Variants in CTNNA3 observed in about 807,000 individuals in gnomAD.
The protein encoded by CTNNA3 is catenin alpha-3.
Under a neutral mutation model 95.7 loss-of-function variants are expected in CTNNA3, and 76 were observed. That is an observed-to-expected ratio of 0.79 (90% CI 0.66 to 0.96). CTNNA3 has a LOEUF of 0.96. Ranked by LOEUF, CTNNA3 falls within the 40% of genes least tolerant of loss-of-function variation. CTNNA3 has a pLI of 0.00. For missense variants in CTNNA3, 1,191 were observed against 1,089.8 expected, an observed-to-expected ratio of 1.09 and a Z score of -1.31; for synonymous variants, 431 against 374.4, an observed-to-expected ratio of 1.15 and a Z score of -1.74.
chr10:66,837,765 C>G (rs1185875808), intron 7 of CTNNA3: 1 of 152,046 alleles, frequency 6.6e-6, no homozygotes, highest in Non-Finnish European at 1.5e-5. Flanking sequence ...GTCCCAAGAA[C>G]TTAGCTTTTT....
At chr10:66,137,754 C>A (rs949534888) in intron 13 of CTNNA3, among the ~76,000 whole-genome samples, 2 of 151,898 alleles carry the variant, frequency 1.3e-5, no homozygotes, top group Non-Finnish European at 2.9e-5. Context: ...CAGGATTAGC[C>A]TGGGCAACAT....
In CTNNA3 at chr10:66,280,548, A is replaced by T. The variant is rs1412521938; in HGVS notation, c.1806T>A (p.Asp602Glu). 1 of 1,610,040 alleles carries T rather than the reference A, an allele frequency of 6.2e-7. No homozygotes were observed. Among genetic ancestry groups the T allele is most frequent in the Admixed American group, 1.7e-5 (1 of 59,678 alleles). ...ALSKSSLNVLDDNQFVDISKK... is the reference protein window; with the variant it reads ...ALSKSSLNVLEDNQFVDISKK... ...TTGAGATGTCCACAAATTGATTATC[A>T]TCCAACACATTCAATGAGCTTTTGC... The change falls in exon 13 of 18, where the codon GAT becomes GAA. Residue 602 changes from aspartate to glutamate, a missense_variant. Coordinates refer to ENST00000433211, the MANE Select transcript of CTNNA3 (RefSeq NM_013266.4).
At chr10:67,426,444 T>C (rs1845925371) in intron 5 of CTNNA3, among the ~76,000 whole-genome samples, 1 of 152,022 alleles carries the variant, frequency 6.6e-6, no homozygotes, top group Non-Finnish European at 1.5e-5. Context: ...TTTGTAATAA[T>C]AGTAAGTTGT....
intron 3 of CTNNA3, among the ~76,000 whole-genome samples, chr10:67,555,996 A>C (rs1200268172): frequency 1.3e-5 from 2 of 152,198 alleles, no homozygotes; most frequent in Non-Finnish European, 2.9e-5. Flanking sequence ...CCTTTTCTGC[A>C]TCTATTAAGA....
At chr10:65,935,896 G>A (rs760237385) in intron 17 of CTNNA3, among the ~76,000 whole-genome samples, 5 of 152,086 alleles carry the variant, frequency 3.3e-5, no homozygotes, top group African/African-American at 4.8e-5. Context: ...ATAGGGCAGC[G>A]TTTATGAATG....
intron 13 of CTNNA3, among the ~76,000 whole-genome samples, chr10:66,139,882 C>T (rs994862957): frequency 2.6e-5 from 4 of 152,130 alleles, no homozygotes; most frequent in Non-Finnish European, 1.5e-5. Context: ...AGAGACTTTG[C>T]CTTCGTCCGG....
At chr10:66,416,653 T>C (rs2093148769) in intron 11 of CTNNA3, among the ~76,000 whole-genome samples, 1 of 151,852 alleles carries the variant, frequency 6.6e-6, no homozygotes, top group South Asian at 2.1e-4. Flanking sequence ...GAGAATGGGA[T>C]AATGTATTCA....
chr10:66,038,498 T>C (rs1234403837), intron 15 of CTNNA3, among the ~76,000 whole-genome samples: 1 of 152,192 alleles, frequency 6.6e-6, no homozygotes, highest in Non-Finnish European at 1.5e-5. Flanking sequence ...AATTTGAGCA[T>C]TTAAATAACC....
intron 13 of CTNNA3, among the ~76,000 whole-genome samples, chr10:66,277,989 G>A (rs2091428263): frequency 6.6e-6 from 1 of 151,250 alleles, no homozygotes; most frequent in Non-Finnish European, 1.5e-5. Context: ...ATAATTTAAT[G>A]TTTTATTAGT....
chr10:66,633,479 G>A (rs1474244527), intron 9 of CTNNA3, among the ~76,000 whole-genome samples: 2 of 152,090 alleles, frequency 1.3e-5, no homozygotes, highest in Non-Finnish European at 2.9e-5. Context: ...AGGAGATCAA[G>A]ACCATCCTGG....
At chr10:67,531,109 T>C (rs757718412) in intron 4 of CTNNA3, among the ~76,000 whole-genome samples, 37 of 152,340 alleles carry the variant, frequency 2.4e-4, no homozygotes, top group Middle Eastern at 6.8e-3. Flanking sequence ...AGGGCTCTCA[T>C]GGAGAACCTC....
intron 1 of CTNNA3, among the ~76,000 whole-genome samples, chr10:67,674,659 A>G (rs1446947133): frequency 1.3e-5 from 2 of 152,082 alleles, no homozygotes; most frequent in Non-Finnish European, 2.9e-5. Context: ...ATATCACATC[A>G]CTATTGTTTT....
chr10:66,803,388 G>A (rs1027132461), intron 7 of CTNNA3, among the ~76,000 whole-genome samples: 3 of 151,886 alleles, frequency 2.0e-5, no homozygotes, highest in Non-Finnish European at 4.4e-5. Flanking sequence ...CTGAGACTCT[G>A]CAGAGACCTC....
chr10:67,617,766 CT>C (rs60151492), intron 2 of CTNNA3, among the ~76,000 whole-genome samples: 9,510 of 138,110 alleles, frequency 0.069, 278 homozygotes, highest in South Asian at 0.11. Flanking sequence ...CCAGCATCTG[CT>C]TTTTTTTTTT....
chr10:66,306,306 A>T (rs1008564662), intron 12 of CTNNA3, among the ~76,000 whole-genome samples: 1 of 152,190 alleles, frequency 6.6e-6, no homozygotes, highest in Non-Finnish European at 1.5e-5. Flanking sequence ...AAAGACAGAC[A>T]GTTTAACTAG....
chr10:67,237,681 G>A (rs796272875), intron 5 of CTNNA3, among the ~76,000 whole-genome samples: 35 of 152,294 alleles, frequency 2.3e-4, no homozygotes, highest in African/African-American at 7.0e-4. Flanking sequence ...GCAGGTCACT[G>A]CAGGTGATAT....
intron 7 of CTNNA3, among the ~76,000 whole-genome samples, chr10:67,087,924 A>G (rs772939561): frequency 3.3e-5 from 5 of 152,090 alleles, no homozygotes; most frequent in Non-Finnish European, 5.9e-5. Context: ...AATATAAGGC[A>G]TGGAGAAATA....
At chr10:67,044,483 T>C (rs16923970) in intron 7 of CTNNA3, among the ~76,000 whole-genome samples, 3,057 of 152,138 alleles carry the variant, frequency 0.02, 108 homozygotes, top group African/African-American at 0.069. Flanking sequence ...TTAAATGCAA[T>C]GTTAGAAAGA....
At chr10:66,810,560 T>C (rs944196004) in intron 7 of CTNNA3, among the ~76,000 whole-genome samples, 3 of 152,184 alleles carry the variant, frequency 2.0e-5, no homozygotes, top group South Asian at 2.1e-4. Context: ...AGATTTCTTA[T>C]TGGGTTTGTG....
Sources: gnomAD v4.1 joint callset for allele counts (sites outside exome capture counted in the v4.1 genomes callset) on GRCh38, gnomAD v4.1.1 for gene constraint, MANE v1.5 for transcripts, NCBI Gene and HGNC (gene_info 2026-07-23, HGNC 2026-07-21) for gene names.